Variants in SCP2 observed in about 807,000 individuals in gnomAD.
SCP2 encodes sterol carrier protein 2.
SCP2 carries 48 observed loss-of-function variants against 71.4 expected under a neutral mutation model. The observed-to-expected ratio is 0.67, with a 90% confidence interval of 0.53 to 0.86. SCP2 has a LOEUF of 0.86. Among genes scored for constraint, SCP2 ranks in the 40% least tolerant of loss-of-function variants. SCP2 has a pLI of 0.00. For synonymous variants in SCP2, 220 were observed against 218.1 expected, an observed-to-expected ratio of 1.01 and a Z score of -0.08; for missense variants, 560 against 655.6, an observed-to-expected ratio of 0.85 and a Z score of 1.59.
At chr1:53,044,670 C>T (rs978554459) in intron 14 of SCP2, among the ~76,000 whole-genome samples, 12 of 152,128 alleles carry the variant, frequency 7.9e-5, no homozygotes, top group African/African-American at 2.9e-4. Context: ...TTAATTTGAG[C>T]TAATTCTTAA....
intron 11 of SCP2, among the ~76,000 whole-genome samples, chr1:53,006,546 G>A (rs1373113644): frequency 2.0e-5 from 3 of 152,110 alleles, no homozygotes; most frequent in Non-Finnish European, 4.4e-5. Context: ...ATAAGTGAAG[G>A]AGAAATAAAA....
intron 6 of SCP2, among the ~76,000 whole-genome samples, chr1:52,966,002 T>G (rs531686092): frequency 3.7e-4 from 56 of 152,186 alleles, no homozygotes; most frequent in African/African-American, 1.3e-3. Flanking sequence ...AGTTTTTAAT[T>G]TTTGAGTTAG....
At chr1:53,011,523 A>G (rs1660987940) in intron 11 of SCP2, among the ~76,000 whole-genome samples, 1 of 152,224 alleles carries the variant, frequency 6.6e-6, no homozygotes, top group African/African-American at 2.4e-5. Context: ...GCTGAGTCCT[A>G]GGTCAGTTAC....
intron 12 of SCP2, among the ~76,000 whole-genome samples, chr1:53,016,453 GT>G (rs550066683): frequency 6.6e-6 from 1 of 151,928 alleles, no homozygotes; most frequent in Admixed American, 6.6e-5. Flanking sequence ...TTTTTGTGGG[GT>G]TTTTTTCTTT....
intron 11 of SCP2, among the ~76,000 whole-genome samples, chr1:53,001,156 G>A (rs1276003458): frequency 6.6e-6 from 1 of 151,914 alleles, no homozygotes; most frequent in Non-Finnish European, 1.5e-5. Flanking sequence ...ACTAGTCTCA[G>A]GAAGTGTATA....
intron 5 of SCP2, among the ~76,000 whole-genome samples, chr1:52,955,245 A>T (rs1276975147): frequency 6.6e-6 from 1 of 152,226 alleles, no homozygotes; most frequent in Non-Finnish European, 1.5e-5. Context: ...GGAACTGCAG[A>T]TGAGTGCCAG....
Position 52,998,655 on chromosome 1 carries a change from T to C in SCP2, c.1081+10519T>C, listed in dbSNP as rs548463312. On this transcript the variant is annotated intron_variant, in intron 11 of 15. Transcript: ENST00000371514. ...GTCCATACTTTTGCAGGTATATCCA[T>C]AGGATAAATTTCAAACAGTGGAATC... 3.9e-5 allele frequency among the ~76,000 whole-genome samples: 6 copies of C among 152,274 alleles called. No individual in the cohort carries two copies. In the East Asian group the frequency reaches 5.8e-4, roughly 15 times the overall value.
chr1:52,972,614 C>G (rs1015997778), intron 6 of SCP2, among the ~76,000 whole-genome samples: 2 of 152,156 alleles, frequency 1.3e-5, no homozygotes, highest in African/African-American at 2.4e-5. Flanking sequence ...CTGAGGCCAC[C>G]AATCCCAATT....
chr1:53,023,981 C>T (rs1661929039), intron 12 of SCP2, among the ~76,000 whole-genome samples: 1 of 152,178 alleles, frequency 6.6e-6, no homozygotes. Flanking sequence ...TTACACCCAT[C>T]TGATCCTCTT....
At chr1:52,934,247 T>G (rs1343799102) in intron 1 of SCP2, among the ~76,000 whole-genome samples, 1 of 152,172 alleles carries the variant, frequency 6.6e-6, no homozygotes, top group Non-Finnish European at 1.5e-5. Context: ...AAGATAAAAT[T>G]TGGGCTTTCA....
At chr1:52,959,481 C>T (rs1023122773) in intron 5 of SCP2, among the ~76,000 whole-genome samples, 19 of 152,014 alleles carry the variant, frequency 1.2e-4, no homozygotes, top group Admixed American at 1.0e-3. Context: ...CATGAGCCAC[C>T]GCGCCCAGCC....
At chr1:53,010,959 G>A (rs1390000886) in intron 11 of SCP2, among the ~76,000 whole-genome samples, 1 of 152,096 alleles carries the variant, frequency 6.6e-6, no homozygotes, top group East Asian at 1.9e-4. Context: ...CTGCACCCAG[G>A]TGAAATAAAC....
chr1:53,048,143 C>T (rs940412084), intron 15 of SCP2: 2 of 551,286 alleles, frequency 3.6e-6, no homozygotes, highest in Non-Finnish European at 6.8e-6. Context: ...AGAAAGTTCC[C>T]ACGCTCAGGG....
At chr1:52,960,514 GTGTGTA>G (rs1186939431) in intron 5 of SCP2, among the ~76,000 whole-genome samples, 21 of 130,188 alleles carry the variant, frequency 1.6e-4, no homozygotes, top group South Asian at 4.9e-4. Flanking sequence ...GTGTGTGTGT[GTGTGTA>G]TATGTGTGTA....
intron 11 of SCP2, among the ~76,000 whole-genome samples, chr1:52,990,489 A>G (rs573065202): frequency 2.6e-5 from 4 of 152,158 alleles, no homozygotes; most frequent in Admixed American, 2.6e-4. Flanking sequence ...TAATAAATAG[A>G]AATTATAAAA....
rs140559370 is a variant in SCP2 at position 52,961,009 on chromosome 1, C to T, written c.397-494C>T. The stretch of plus-strand genomic sequence containing the variant: ...TCAAGTGATCCACCCGTCTCAGCCT[C>T]CCAAAGTGCTGGGATTACAGGTGTG... On this transcript the variant is annotated intron_variant, in intron 5 of 15. Coordinates refer to ENST00000371514, the MANE Select transcript of SCP2 (RefSeq NM_002979.5). 1.8e-3 allele frequency among the ~76,000 whole-genome samples: 276 copies of T among 151,374 alleles called. 7 individuals are homozygous for T. The East Asian group carries it at 0.051, about 28-fold the overall frequency.
At chr1:53,037,922 A>C (rs981266825) in intron 13 of SCP2, among the ~76,000 whole-genome samples, 3 of 133,970 alleles carry the variant, frequency 2.2e-5, no homozygotes, top group Middle Eastern at 3.9e-3. Flanking sequence ...ACACACACAC[A>C]CACACACAGA....
At chr1:52,965,104 A>AT (rs1271631671) in intron 6 of SCP2, among the ~76,000 whole-genome samples, 3 of 152,240 alleles carry the variant, frequency 2.0e-5, no homozygotes, top group Admixed American at 6.5e-5. Flanking sequence ...CACTACAGTG[A>AT]TAAAAATTGG....
intron 12 of SCP2, among the ~76,000 whole-genome samples, chr1:53,024,171 T>C (rs911099860): frequency 2.6e-5 from 4 of 152,218 alleles, no homozygotes; most frequent in Non-Finnish European, 4.4e-5. Flanking sequence ...GAGAACATTA[T>C]GCCAAGTGAT....
Sources: gnomAD v4.1 joint callset for allele counts (sites outside exome capture counted in the v4.1 genomes callset) on GRCh38, gnomAD v4.1.1 for gene constraint, MANE v1.5 for transcripts, NCBI Gene and HGNC (gene_info 2026-07-23, HGNC 2026-07-21) for gene names.